The following SASH1 variants were observed in gnomAD, a reference collection of about 807,000 sequenced individuals.
SASH1 encodes SAM and SH3 domain-containing protein 1.
In SASH1, 44 loss-of-function variants were observed where a neutral mutation model predicts 125.2. That is an observed-to-expected ratio of 0.35 (90% confidence interval 0.28 to 0.45). SASH1 has a LOEUF of 0.45. Ranked by LOEUF, SASH1 falls within the 20% of genes least tolerant of loss-of-function variation. SASH1 has a pLI of 1.00. For missense variants in SASH1, 1,426 were observed against 1,614.5 expected (o/e 0.88, Z 2.00); for synonymous variants, 639 against 649.1 (o/e 0.98, Z 0.24).
chr6:148,431,470 T>TTA (rs1354258947), intron 2 of SASH1, among the ~76,000 whole-genome samples: 1 of 152,134 alleles, frequency 6.6e-6, no homozygotes, highest in African/African-American at 2.4e-5. Flanking sequence ...AAGTGCTGGA[T>TTA]TATAGGTATA....
chr6:148,199,938 T>C, the SASH1 span, among the ~76,000 whole-genome samples: 20 of 152,240 alleles, frequency 1.3e-4, no homozygotes, highest in African/African-American at 4.6e-4. Flanking sequence ...ATATTCTGAA[T>C]ATCAACTGAG....
intron 1 of SASH1, among the ~76,000 whole-genome samples, chr6:148,314,169 C>T (rs552418860): frequency 3.3e-5 from 5 of 152,188 alleles, no homozygotes; most frequent in East Asian, 1.9e-4. Context: ...AGTCCTGTCC[C>T]GGAGCAGCCA....
intron 1 of SASH1, among the ~76,000 whole-genome samples, chr6:148,367,733 G>A (rs894243641): frequency 4.6e-5 from 7 of 152,226 alleles, no homozygotes; most frequent in African/African-American, 9.6e-5. Flanking sequence ...GGGGATGGAC[G>A]GAGCTGCTGC....
chr6:148,348,411 T>A (rs1266343790), intron 1 of SASH1, among the ~76,000 whole-genome samples: 1 of 152,180 alleles, frequency 6.6e-6, no homozygotes, highest in East Asian at 1.9e-4. Flanking sequence ...TATTTGCTGT[T>A]CTCTACCTTG....
intron 2 of SASH1, among the ~76,000 whole-genome samples, chr6:148,416,669 G>A (rs1382052849): frequency 6.6e-6 from 1 of 152,184 alleles, no homozygotes; most frequent in Non-Finnish European, 1.5e-5. Context: ...CTGTGTCTTG[G>A]GGTTGTGTTG....
chr6:148,512,128 T>C (rs942066718), intron 8 of SASH1, among the ~76,000 whole-genome samples: 30 of 152,202 alleles, frequency 2.0e-4, no homozygotes, highest in Middle Eastern at 3.4e-3. Context: ...ACGCCATTCT[T>C]CTGCCTCAGC....
chr6:148,511,442 C>T (rs1005609541), intron 8 of SASH1, among the ~76,000 whole-genome samples: 9 of 151,472 alleles, frequency 5.9e-5, no homozygotes, highest in East Asian at 5.8e-4. Flanking sequence ...TCTTGTCTAG[C>T]GTCCAAAAAA....
In SASH1 at chr6:148,334,455, A is replaced by G. The variant is rs1209395798; in HGVS notation, n.75-55679A>G. Among the ~76,000 whole-genome samples, 5 of 141,452 alleles carry G rather than the reference A, an allele frequency of 3.5e-5. No individual in the cohort carries two copies. The Admixed American group carries it at 3.6e-4, about 10-fold the overall frequency. The allele number at this position is 141,452 out of a possible 152,430, so 92.8% of individuals were successfully genotyped here. A position where few individuals can be genotyped will look rare whatever the true frequency, so the allele number is the denominator to read the frequency against. On this transcript the variant is annotated intron_variant and non_coding_transcript_variant, in intron 1 of 3. Transcript: ENST00000367469. The stretch of plus-strand genomic sequence containing the variant: ...AAAAAAAAAAAAAAAAAAAGAGATA[A>G]TAGCAGTGTGGTCTCCAGTGATGGT...
At chr6:148,426,982 T>C (rs1023318876) in intron 2 of SASH1, among the ~76,000 whole-genome samples, 3 of 151,956 alleles carry the variant, frequency 2.0e-5, no homozygotes, top group African/African-American at 4.8e-5. Flanking sequence ...AAAAATACAA[T>C]ATATATATAC....
At position 148,363,136 on chromosome 6, in the gene SASH1, T is replaced by C. The variant is rs1782306200; in HGVS notation, c.156+19913T>C. On this transcript the variant is annotated intron_variant, in intron 1 of 19. Transcript: ENST00000367467. ...CTGCATGGCTGCAAAGGAACCTTGG[T>C]GGTGATATCCATAAACACAGGGCTG... is the stretch of plus-strand genomic sequence containing the variant. Among the ~76,000 whole-genome samples, 5 of 152,286 alleles carry C rather than the reference T, an allele frequency of 3.3e-5. No individual in the cohort carries two copies. The South Asian group carries it at 1.0e-3, about 32-fold the overall frequency.
rs1281507616 is a variant in SASH1 at position 148,334,165 on chromosome 6, T to G, written n.75-55969T>G. On this transcript the variant is annotated intron_variant and non_coding_transcript_variant, in intron 1 of 3. Transcript: ENST00000367469. ...CAGGCCGGGCGCGGCTGGCTCACGC[T>G]TGTAATCCCAGCACTTTGGGAGGCC... is the stretch of plus-strand genomic sequence containing the variant. Among the ~76,000 whole-genome samples, 28 of 141,450 alleles carry G rather than the reference T, an allele frequency of 2.0e-4. 2 individuals carry two copies. Among genetic ancestry groups the G allele is most frequent in the Admixed American group, 1.6e-3 (23 of 14,330 alleles). The allele number at this position is 141,450 out of a possible 152,430, so 92.8% of individuals were successfully genotyped here. A position where few individuals can be genotyped will look rare whatever the true frequency, so the allele number is the denominator to read the frequency against.
chr6:148,279,846 G>C (rs543147728), intron 1 of SASH1, among the ~76,000 whole-genome samples: 3 of 152,034 alleles, frequency 2.0e-5, no homozygotes, highest in East Asian at 3.9e-4. Flanking sequence ...AATTAGCTGG[G>C]TGTGGTGGTG....
In SASH1 at chr6:148,532,650, C is replaced by T. The variant is rs1041819395; in HGVS notation, c.1565-147C>T. 29 of 882,206 alleles carry T rather than the reference C, an allele frequency of 3.3e-5. No homozygotes were observed. The highest frequency in any genetic ancestry group is 4.7e-5 in the Non-Finnish European group (27 of 571,426). The allele number at this position is 882,206 out of a possible 1,614,324, so 54.6% of individuals were successfully genotyped here. On this transcript the variant is annotated intron_variant, in intron 13 of 19. Coordinates refer to ENST00000367467, the MANE Select transcript of SASH1 (RefSeq NM_015278.5). The surrounding 1 kb of genome is among the most constrained non-coding windows in gnomAD (Gnocchi z 4.7). ...GCACTCGGAGAATTCATAACTGGGCCCTGCCCTGGTCCTGACAGAGGGTTG... is the reference window on the plus strand; with the variant it reads ...GCACTCGGAGAATTCATAACTGGGCTCTGCCCTGGTCCTGACAGAGGGTTG...
At chr6:148,286,227 T>A (rs908028826) in intron 1 of SASH1, among the ~76,000 whole-genome samples, 2 of 150,776 alleles carry the variant, frequency 1.3e-5, no homozygotes, top group African/African-American at 4.9e-5. Flanking sequence ...AAAAAAAAAA[T>A]AAAATAATTT....
At chr6:148,476,274 C>CAAAAAA (rs35854127) in intron 7 of SASH1, among the ~76,000 whole-genome samples, 4,204 of 87,448 alleles carry the variant, frequency 0.048, 81 homozygotes, top group Non-Finnish European at 0.074. Context: ...AAAAGGACAC[C>CAAAAAA]AAAAAAAAAA....
chr6:148,379,629 A>C (rs1783053963), intron 1 of SASH1, among the ~76,000 whole-genome samples: 1 of 152,062 alleles, frequency 6.6e-6, no homozygotes, highest in Non-Finnish European at 1.5e-5. Context: ...CCATCCATCC[A>C]TCTGTTCATT....
intron 1 of SASH1, among the ~76,000 whole-genome samples, chr6:148,275,189 A>T (rs1454764071): frequency 6.6e-6 from 1 of 152,246 alleles, no homozygotes; most frequent in African/African-American, 2.4e-5. Context: ...CTTGCGTCAT[A>T]TTGTTTAATG....
chr6:148,398,472 C>T (rs1210291605), intron 2 of SASH1, among the ~76,000 whole-genome samples: 6 of 152,112 alleles, frequency 3.9e-5, no homozygotes, highest in African/African-American at 7.2e-5. Context: ...AGAAAATGAT[C>T]AGGAAAGTGA....
chr6:148,548,675 C>T lies in SASH1; in HGVS notation c.*117C>T, dbSNP rs537909643. On this transcript the variant is annotated 3_prime_UTR_variant, in exon 20 of 20. Coordinates refer to ENST00000367467, the MANE Select transcript of SASH1 (RefSeq NM_015278.5). The stretch of plus-strand genomic sequence containing the variant: ...GACCAGATCCAGAAGAAAGGCCTGG[C>T]GTGTGGCCAAACAGCGTGAAACCTT... 8.0e-5 allele frequency: 101 copies of T among 1,264,366 alleles called. 1 individual carries two copies. The Admixed American group carries it at 8.8e-4, about 11-fold the overall frequency. The allele number at this position is 1,264,366 out of a possible 1,614,324, so 78.3% of individuals were successfully genotyped here.
Sources: allele counts gnomAD v4.1 joint callset (sites outside exome capture counted in the v4.1 genomes callset), GRCh38; gene constraint gnomAD v4.1.1; non-coding constraint Gnocchi (gnomAD v3.1); transcripts MANE v1.5; gene names NCBI Gene and HGNC (gene_info 2026-07-23, HGNC 2026-07-21).